LIPC: variants seen among roughly 807,000 people sequenced by gnomAD.
LIPC encodes hepatic triacylglycerol lipase.
LIPC carries 44 observed loss-of-function variants against 50.7 expected under a neutral mutation model. The ratio of observed to expected loss-of-function variants is 0.87; its 90% confidence interval spans 0.68 to 1.11. LIPC has a LOEUF of 1.11. Among genes scored for constraint, LIPC ranks in the 50% most tolerant of loss-of-function variants. The pLI, the probability that LIPC is intolerant of heterozygous loss-of-function variation, is 0.00. For synonymous variants in LIPC, 271 were observed against 256.4 expected, an observed-to-expected ratio of 1.06 and a Z score of -0.54; for missense variants, 697 against 648.2, an observed-to-expected ratio of 1.08 and a Z score of -0.82.
intron 1 of LIPC, among the ~76,000 whole-genome samples, chr15:58,533,601 C>T (rs557054637): frequency 4.6e-5 from 7 of 152,180 alleles, no homozygotes; most frequent in Admixed American, 1.3e-4. Flanking sequence ...AAATAAATTA[C>T]GGCACTTTTT....
At chr15:58,565,116 T>C in intron 8 of LIPC, 1 of 1,366,918 alleles carries the variant, frequency 7.3e-7, no homozygotes, top group Non-Finnish European at 1.0e-6. Context: ...CTCTGAGATT[T>C]TATCTCCCTG....
chr15:58,545,996 C>T (rs374207396), intron 5 of LIPC, 21 bp downstream of exon 5: 43 of 1,563,924 alleles, frequency 2.7e-5, no homozygotes, highest in Non-Finnish European at 3.5e-5. Context: ...AGTCATGGGC[C>T]GGGAGCACCG....
At chr15:58,489,217 C>CGGTGG (rs568178680) in intron 1 of LIPC, among the ~76,000 whole-genome samples, 1 of 16,562 alleles carries the variant, frequency 6.0e-5, no homozygotes, top group Non-Finnish European at 1.8e-4. Context: ...CATTTTGTTG[C>CGGTGG]GGGGGCGGGG....
intron 6 of LIPC, among the ~76,000 whole-genome samples, chr15:58,551,083 C>T (rs942481496): frequency 2.9e-4 from 44 of 152,088 alleles, no homozygotes; most frequent in African/African-American, 9.9e-4. Context: ...GTGATCCACC[C>T]GCCTCTGCCT....
chr15:58,516,132 AG>A (rs1892479446), intron 1 of LIPC, among the ~76,000 whole-genome samples: 1 of 151,956 alleles, frequency 6.6e-6, no homozygotes, highest in Admixed American at 6.6e-5. Flanking sequence ...TGAACCTTAA[AG>A]GTGCTGCCCC....
chr15:58,439,069 C>A (rs1893413479), intron 1 of LIPC, among the ~76,000 whole-genome samples: 1 of 152,236 alleles, frequency 6.6e-6, no homozygotes, highest in Admixed American at 6.5e-5. Flanking sequence ...CTCCAGTGGA[C>A]TGGCAGTGGC....
intron 1 of LIPC, among the ~76,000 whole-genome samples, chr15:58,477,843 C>A (rs1202488550): frequency 6.6e-6 from 1 of 152,134 alleles, no homozygotes; most frequent in Non-Finnish European, 1.5e-5. Flanking sequence ...TCACTTCCCC[C>A]TAGACCTGTG....
intron 1 of LIPC, among the ~76,000 whole-genome samples, chr15:58,478,067 G>T (rs541384513): frequency 1.4e-4 from 22 of 152,150 alleles, no homozygotes; most frequent in African/African-American, 5.3e-4. Context: ...TCCCCCCATA[G>T]CTCAGTGTAC....
chr15:58,536,336 T>A (rs1893120059), intron 1 of LIPC, among the ~76,000 whole-genome samples: 1 of 151,992 alleles, frequency 6.6e-6, no homozygotes, highest in African/African-American at 2.4e-5. Context: ...ATCACTCAGG[T>A]GGTGGCCTTG....
chr15:58,432,208 T>C, intron 1 of LIPC, 88 bp downstream of exon 1: 1 of 1,009,530 alleles, frequency 9.9e-7, no homozygotes, highest in Non-Finnish European at 1.6e-6. Flanking sequence ...TCTGACTGTA[T>C]GGGACAGAGC....
intron 6 of LIPC, among the ~76,000 whole-genome samples, chr15:58,559,200 T>C (rs1894066628): frequency 6.6e-6 from 1 of 152,218 alleles, no homozygotes; most frequent in Non-Finnish European, 1.5e-5. Context: ...GTTACCGTGA[T>C]CTAATTTTTT....
intron 6 of LIPC, among the ~76,000 whole-genome samples, chr15:58,551,484 A>G (rs898598049): frequency 4.6e-5 from 7 of 152,222 alleles, no homozygotes; most frequent in Admixed American, 1.3e-4. Flanking sequence ...CAAGTGCTCA[A>G]ATACGTGGCT....
intron 1 of LIPC, among the ~76,000 whole-genome samples, chr15:58,519,336 G>A (rs531605444): frequency 8.6e-5 from 13 of 151,972 alleles, no homozygotes; most frequent in Admixed American, 3.9e-4. Context: ...GCGTGAACCC[G>A]GGAGGCGGAG....
chr15:58,488,932 C>CT (rs1157419189), intron 1 of LIPC, among the ~76,000 whole-genome samples: 4 of 152,120 alleles, frequency 2.6e-5, no homozygotes, highest in Admixed American at 1.3e-4. Flanking sequence ...ATCTTGACTT[C>CT]TGGTTTTGTC....
Position 58,438,694 on chromosome 15 carries a change from G to A in LIPC, c.88+6574G>A, listed in dbSNP as rs148530688. Among the ~76,000 whole-genome samples the A allele has an allele frequency of 5.1e-3, 783 of 152,312 alleles. 1 individual carries two copies. The highest frequency in any genetic ancestry group is 8.1e-3 in the Admixed American group (124 of 15,290). On this transcript the variant is annotated intron_variant, in intron 1 of 8. Transcript: ENST00000299022. ...CCTGGAGGAGTCAGGGCGCCCACCC[G>A]GCTGCCCCACAGAAGGTGCAATTCC...
chr15:58,562,352 T>A (rs1487211772), intron 7 of LIPC, among the ~76,000 whole-genome samples: 2 of 152,320 alleles, frequency 1.3e-5, no homozygotes, highest in East Asian at 3.9e-4. Context: ...GGAGCAGGTG[T>A]TCCCAAGAGG....
chr15:58,524,438 G>C (rs1469505432), intron 1 of LIPC, among the ~76,000 whole-genome samples: 2 of 152,206 alleles, frequency 1.3e-5, no homozygotes, highest in African/African-American at 4.8e-5. Flanking sequence ...TGCAGATATA[G>C]CCACAGGGTA....
chr15:58,562,806 C>CA (rs376241918), intron 7 of LIPC, among the ~76,000 whole-genome samples: 5 of 60,614 alleles, frequency 8.2e-5, no homozygotes, highest in South Asian at 3.9e-4. Flanking sequence ...ACACAAGGGA[C>CA]CCCCCCCCAA....
intron 1 of LIPC, among the ~76,000 whole-genome samples, chr15:58,499,523 C>T (rs1429408472): frequency 6.6e-6 from 1 of 152,208 alleles, no homozygotes; most frequent in Admixed American, 6.5e-5. Context: ...AACCAATAGT[C>T]TCCTCTATCT....
Sources: gnomAD v4.1 joint callset for allele counts (sites outside exome capture counted in the v4.1 genomes callset) on GRCh38, gnomAD v4.1.1 for gene constraint, MANE v1.5 for transcripts, NCBI Gene and HGNC (gene_info 2026-07-23, HGNC 2026-07-21) for gene names.